TRPM3: variants seen among roughly 807,000 people sequenced by gnomAD.
The protein encoded by TRPM3 is long transient receptor potential channel 3.
In TRPM3, 77 loss-of-function variants were observed where a neutral mutation model predicts 181.2. That is an observed-to-expected ratio of 0.42 (90% CI 0.35 to 0.51). The LOEUF (loss-of-function observed/expected upper bound fraction) is 0.51. Ranked by LOEUF, TRPM3 falls within the 20% of genes least tolerant of loss-of-function variation. The pLI is 0.01. For missense variants in TRPM3, 1,759 were observed against 2,196.7 expected, an observed-to-expected ratio of 0.80 and a Z score of 3.98; for synonymous variants, 745 against 796.4, an observed-to-expected ratio of 0.94 and a Z score of 1.09.
At chr9:71,407,522 G>C (rs1207166213) in intron 1 of TRPM3, among the ~76,000 whole-genome samples, 1 of 151,940 alleles carries the variant, frequency 6.6e-6, no homozygotes, top group Non-Finnish European at 1.5e-5. Flanking sequence ...GTGAGGCTGG[G>C]GGATGGGCAT....
At chr9:70,616,696 TAC>T (rs372225185) in intron 17 of TRPM3, among the ~76,000 whole-genome samples, 2 of 151,080 alleles carry the variant, frequency 1.3e-5, no homozygotes, top group Non-Finnish European at 3.0e-5. Flanking sequence ...CAAACACACA[TAC>T]ACACACACAC....
chr9:70,815,635 A>G (rs2092625665), intron 6 of TRPM3, among the ~76,000 whole-genome samples: 1 of 152,172 alleles, frequency 6.6e-6, no homozygotes, highest in Admixed American at 6.5e-5. Flanking sequence ...CTTCCTGCGG[A>G]TAGATTTTGC....
At chr9:70,967,534 T>G (rs2097198108) in intron 1 of TRPM3, among the ~76,000 whole-genome samples, 2 of 152,092 alleles carry the variant, frequency 1.3e-5, no homozygotes, top group African/African-American at 4.8e-5. Context: ...TAAAATAATA[T>G]GAATCACCAT....
At chr9:70,948,242 T>C (rs1469279095) in intron 1 of TRPM3, among the ~76,000 whole-genome samples, 1 of 149,008 alleles carries the variant, frequency 6.7e-6, no homozygotes, top group African/African-American at 2.6e-5. Flanking sequence ...TCTCCTGGAC[T>C]TGAAAGAAGC....
At position 71,346,891 on chromosome 9, in the gene TRPM3, T is replaced by C. The variant is rs1002972479; in HGVS notation, c.183+99762A>G. On this transcript the variant is annotated intron_variant, in intron 1 of 24. Transcript: ENST00000357533. ...GAATCTGTTTCGTATTTTTATTTTC[T>C]GGGCAGCACGGATAGTCAGGATACA... 7.4e-4 allele frequency among the ~76,000 whole-genome samples: 3 copies of C among 4,060 alleles called. No individual in the cohort carries two copies. In the Non-Finnish European group the frequency reaches 0.043, roughly 58 times the overall value. 2.7% of individuals were successfully genotyped at this position (4,060 alleles called of 152,430 possible).
At chr9:71,427,104 C>A (rs1040547747) in intron 1 of TRPM3, among the ~76,000 whole-genome samples, 2 of 152,100 alleles carry the variant, frequency 1.3e-5, no homozygotes, top group Non-Finnish European at 2.9e-5. Context: ...TTAATTATAC[C>A]TTAGAACAAT....
chr9:70,828,076 A>C, intron 5 of TRPM3, 58 bp from the exon 6 acceptor site: 1 of 1,519,386 alleles, frequency 6.6e-7, no homozygotes, highest in Non-Finnish European at 9.0e-7. Flanking sequence ...AAGATATGAA[A>C]AGGAGAATCA....
chr9:71,268,428 C>G (rs141122034), intron 1 of TRPM3, among the ~76,000 whole-genome samples: 50 of 152,126 alleles, frequency 3.3e-4, no homozygotes, highest in African/African-American at 1.2e-3. Flanking sequence ...TATGATATAT[C>G]AGGGACTATG....
Position 70,603,377 on chromosome 9 carries a change from A to G in TRPM3, c.2761T>C (p.Tyr921His). The G allele has an allele frequency of 6.2e-7, 1 of 1,613,886 alleles. No homozygotes were observed. The highest frequency in any genetic ancestry group is 8.5e-7 in the Non-Finnish European group (1 of 1,179,860). Reference protein sequence around the residue: ...PSTQEWIVISYIFTLGIEKMR... With the variant: ...PSTQEWIVISHIFTLGIEKMR... ...TTTTCTATTCCCAGGGTGAAAATAT[A>G]GGAGATTACGATCCATTCCTGGGTG... The change falls in exon 20 of 26, where the codon TAT becomes CAT. Residue 921 changes from tyrosine (Y) to histidine (H), a missense_variant. Tyr to His is a moderately conservative substitution (Grantham distance 83). This residue lies in a region of TRPM3 where 100 missense variants were observed against 123.0 expected (regional missense o/e 0.81). Transcript: ENST00000677713.
intron 1 of TRPM3, among the ~76,000 whole-genome samples, chr9:70,926,178 C>T (rs1174734002): frequency 6.6e-6 from 1 of 152,036 alleles, no homozygotes; most frequent in African/African-American, 2.4e-5. Context: ...CAATAGTTGT[C>T]CTCTCAAATT....
At chr9:70,900,042 G>A (rs7868945) in intron 1 of TRPM3, among the ~76,000 whole-genome samples, 16,079 of 152,062 alleles carry the variant, frequency 0.11, 1,418 homozygotes, top group African/African-American at 0.25. Context: ...GAATCTCAAG[G>A]TTAGAAAGGA....
intron 9 of TRPM3, among the ~76,000 whole-genome samples, chr9:70,652,310 G>A (rs981631686): frequency 3.9e-5 from 6 of 151,998 alleles, no homozygotes; most frequent in African/African-American, 7.2e-5. Flanking sequence ...AGTGACACCC[G>A]AGGGAGTTGT....
chr9:70,771,686 C>G (rs2080296800), intron 7 of TRPM3, among the ~76,000 whole-genome samples: 1 of 152,106 alleles, frequency 6.6e-6, no homozygotes, highest in Non-Finnish European at 1.5e-5. Flanking sequence ...TTAAGAAAAT[C>G]CTCACCAGGC....
chr9:71,403,817 C>A (rs767453270), intron 1 of TRPM3, among the ~76,000 whole-genome samples: 78 of 149,302 alleles, frequency 5.2e-4, no homozygotes, highest in Non-Finnish European at 8.7e-4. Flanking sequence ...ACCCATGGAA[C>A]CTCAGAGACT....
chr9:70,962,415 A>G (rs2097145255), intron 1 of TRPM3, among the ~76,000 whole-genome samples: 1 of 152,154 alleles, frequency 6.6e-6, no homozygotes, highest in African/African-American at 2.4e-5. Flanking sequence ...GCCTAAATGG[A>G]AATCCTAACT....
chr9:71,042,629 C>A (rs2058962127), intron 1 of TRPM3, among the ~76,000 whole-genome samples: 1 of 152,124 alleles, frequency 6.6e-6, no homozygotes, highest in South Asian at 2.1e-4. Flanking sequence ...CTAATATTTA[C>A]ATGTAAAAGA....
At chr9:70,942,367 G>A (rs866118020) in intron 1 of TRPM3, among the ~76,000 whole-genome samples, 1 of 152,100 alleles carries the variant, frequency 6.6e-6, no homozygotes, top group Non-Finnish European at 1.5e-5. Context: ...AACATATCTA[G>A]GCCAAAATGC....
chr9:71,068,794 T>C (rs1454005532), intron 1 of TRPM3, among the ~76,000 whole-genome samples: 1 of 152,186 alleles, frequency 6.6e-6, no homozygotes, highest in Non-Finnish European at 1.5e-5. Flanking sequence ...TTCTCAAGTT[T>C]AGAACCTTTG....
intron 1 of TRPM3, among the ~76,000 whole-genome samples, chr9:71,374,465 A>G (rs1211321593): frequency 1.3e-5 from 2 of 152,114 alleles, no homozygotes; most frequent in Non-Finnish European, 2.9e-5. Flanking sequence ...GAAGAAGCAT[A>G]TATGACAAAC....
Sources: allele counts gnomAD v4.1 joint callset (sites outside exome capture counted in the v4.1 genomes callset), GRCh38; gene constraint gnomAD v4.1.1; regional missense constraint gnomAD v4.1.1; transcripts MANE v1.5; gene names NCBI Gene and HGNC (gene_info 2026-07-23, HGNC 2026-07-21).